TSHZ2: variants seen among roughly 807,000 people sequenced by gnomAD.
The protein encoded by TSHZ2 is teashirt zinc finger homeobox 2.
TSHZ2 carries 21 observed loss-of-function variants against 74.4 expected under a neutral mutation model. The ratio of observed to expected loss-of-function variants is 0.28; its 90% CI spans 0.20 to 0.41. TSHZ2 has a LOEUF of 0.41. TSHZ2 is among the 10% of genes least tolerant of loss of function. The pLI is 1.00. For synonymous variants in TSHZ2, 540 were observed against 515.3 expected, an observed-to-expected ratio of 1.05 and a Z score of -0.65; for missense variants, 1,244 against 1,293.5, an observed-to-expected ratio of 0.96 and a Z score of 0.59.
chr20:53,304,165 A>T (rs1277167266), intron 2 of TSHZ2, among the ~76,000 whole-genome samples: 1 of 147,846 alleles, frequency 6.8e-6, no homozygotes, highest in Non-Finnish European at 1.5e-5. Context: ...CATTAGGTAT[A>T]TCTCCTAAAG....
At chr20:53,006,507 G>A (rs8124948) in intron 1 of TSHZ2, among the ~76,000 whole-genome samples, 4,915 of 152,292 alleles carry the variant, frequency 0.032, 229 homozygotes, top group African/African-American at 0.11. Context: ...GGACCATGGA[G>A]TGCTGCAAGC....
chr20:53,263,058 T>C (rs1408799696), intron 2 of TSHZ2, among the ~76,000 whole-genome samples: 1 of 152,254 alleles, frequency 6.6e-6, no homozygotes, highest in Non-Finnish European at 1.5e-5. Flanking sequence ...CTTTGTGTAT[T>C]TGTTTGTTTA....
At chr20:53,225,268 A>G (rs917521230) in intron 1 of TSHZ2, among the ~76,000 whole-genome samples, 1 of 152,210 alleles carries the variant, frequency 6.6e-6, no homozygotes, top group Non-Finnish European at 1.5e-5. Flanking sequence ...ACCTCCTCCC[A>G]TACTTACAGA....
chr20:53,440,741 A>G (rs1188677756), intron 2 of TSHZ2, among the ~76,000 whole-genome samples: 1 of 152,196 alleles, frequency 6.6e-6, no homozygotes, highest in Middle Eastern at 3.2e-3. Context: ...GAATCAAATT[A>G]TTCTCACTCC....
intron 2 of TSHZ2, among the ~76,000 whole-genome samples, chr20:53,431,177 A>C (rs1568914086): frequency 2.0e-5 from 3 of 151,502 alleles, no homozygotes; most frequent in Non-Finnish European, 4.4e-5. Flanking sequence ...AAAGGCACTT[A>C]GGGCTGGGTG....
chr20:53,050,130 T>TATATATATAC (rs1555819319), intron 1 of TSHZ2, among the ~76,000 whole-genome samples: 32 of 88,314 alleles, frequency 3.6e-4, no homozygotes, highest in African/African-American at 2.0e-3. Context: ...TATATACACA[T>TATATATATAC]ATATATATGT....
chr20:53,202,959 C>T (rs1237746117), intron 1 of TSHZ2, among the ~76,000 whole-genome samples: 1 of 152,132 alleles, frequency 6.6e-6, no homozygotes, highest in Non-Finnish European at 1.5e-5. Context: ...TGGCTATGTA[C>T]AAAGCCATTA....
intron 1 of TSHZ2, among the ~76,000 whole-genome samples, chr20:53,090,909 G>T (rs763355774): frequency 6.6e-6 from 1 of 152,008 alleles, no homozygotes; most frequent in Non-Finnish European, 1.5e-5. Context: ...AACAAAACAC[G>T]CATACAGACT....
chr20:53,033,676 T>TG (rs1983722953), intron 1 of TSHZ2, among the ~76,000 whole-genome samples: 5 of 134,926 alleles, frequency 3.7e-5, no homozygotes, highest in African/African-American at 1.5e-4. Flanking sequence ...TTTTTTTTTT[T>TG]GGAGACAGGG....
intron 1 of TSHZ2, among the ~76,000 whole-genome samples, chr20:53,224,537 C>T (rs1989636123): frequency 6.6e-6 from 1 of 152,172 alleles, no homozygotes; most frequent in African/African-American, 2.4e-5. Context: ...TTAGTGCATT[C>T]TCCAGTTCCT....
At chr20:53,185,670 T>G in intron 1 of TSHZ2, 2 of 1,536,076 alleles carry the variant, frequency 1.3e-6, no homozygotes, top group East Asian at 4.9e-5. Context: ...GTTGCTCCAT[T>G]ATACAGGTAC....
chr20:53,284,084 T>G (rs1291031831), intron 2 of TSHZ2, among the ~76,000 whole-genome samples: 3 of 152,204 alleles, frequency 2.0e-5, no homozygotes, highest in Non-Finnish European at 4.4e-5. Flanking sequence ...GGCAGGGGCT[T>G]TCTTCCTCTT....
At chr20:53,364,169 A>G (rs1244617576) in intron 2 of TSHZ2, among the ~76,000 whole-genome samples, 2 of 152,208 alleles carry the variant, frequency 1.3e-5, no homozygotes, top group African/African-American at 2.4e-5. Flanking sequence ...CTTGCAGGGC[A>G]TGGTTATGCT....
intron 1 of TSHZ2, among the ~76,000 whole-genome samples, chr20:53,085,683 T>A (rs934605179): frequency 6.6e-6 from 1 of 152,208 alleles, no homozygotes; most frequent in Non-Finnish European, 1.5e-5. Context: ...GGGCAAGGAC[T>A]TTCCCCAGGA....
intron 1 of TSHZ2, among the ~76,000 whole-genome samples, chr20:53,200,443 T>C (rs1204071300): frequency 1.8e-4 from 28 of 152,214 alleles, no homozygotes. Context: ...GATTGGAAAC[T>C]TGAACTTTGA....
chr20:53,340,121 G>A (rs144171692), intron 2 of TSHZ2, among the ~76,000 whole-genome samples: 1 of 151,920 alleles, frequency 6.6e-6, no homozygotes, highest in South Asian at 2.1e-4. Context: ...AATGCCTGGT[G>A]GGGGGAAGAG....
At chr20:53,201,746 C>T (rs1989012788) in intron 1 of TSHZ2, among the ~76,000 whole-genome samples, 2 of 151,930 alleles carry the variant, frequency 1.3e-5, no homozygotes, top group Admixed American at 6.6e-5. Context: ...CCCTTTTTTG[C>T]TGGTGGGGTG....
At chr20:53,172,101 C>T (rs1988218027) in intron 1 of TSHZ2, among the ~76,000 whole-genome samples, 1 of 152,128 alleles carries the variant, frequency 6.6e-6, no homozygotes, top group Non-Finnish European at 1.5e-5. Flanking sequence ...TCTCACTTTG[C>T]CTAGAACAAG....
At chr20:53,159,379 T>C (rs937690765) in intron 1 of TSHZ2, among the ~76,000 whole-genome samples, 1 of 152,234 alleles carries the variant, frequency 6.6e-6, no homozygotes, top group African/African-American at 2.4e-5. Context: ...TGTTGACGTA[T>C]TGTCTGTGGC....
Sources: gnomAD v4.1 joint callset for allele counts (sites outside exome capture counted in the v4.1 genomes callset) on GRCh38, gnomAD v4.1.1 for gene constraint, MANE v1.5 for transcripts, NCBI Gene and HGNC (gene_info 2026-07-23, HGNC 2026-07-21) for gene names.